CLSTN2: variants seen among roughly 807,000 people sequenced by gnomAD.
CLSTN2 encodes the protein calsyntenin 2, also known as calsyntenin-2.
CLSTN2 carries 48 observed loss-of-function variants against 101.2 expected under a neutral mutation model. The observed-to-expected ratio is 0.47, with a 90% CI of 0.38 to 0.60. CLSTN2 has a LOEUF of 0.60. Ranked by LOEUF, CLSTN2 falls within the 20% of genes least tolerant of loss-of-function variation. The pLI is 0.00. For synonymous variants in CLSTN2, 481 were observed against 463.6 expected, an observed-to-expected ratio of 1.04 and a Z score of -0.48; for missense variants, 1,160 against 1,238.2, an observed-to-expected ratio of 0.94 and a Z score of 0.95.
intron 1 of CLSTN2, among the ~76,000 whole-genome samples, chr3:139,941,650 TA>T (rs1168482781): frequency 6.6e-6 from 1 of 151,970 alleles, no homozygotes; most frequent in Admixed American, 6.6e-5. Context: ...ATGGAGAAAG[TA>T]AAAGGGATGT....
At chr3:139,949,644 T>G (rs984541299) in intron 1 of CLSTN2, among the ~76,000 whole-genome samples, 1 of 152,196 alleles carries the variant, frequency 6.6e-6, no homozygotes, top group Non-Finnish European at 1.5e-5. Context: ...GGATAATTAA[T>G]GTAAATTACC....
rs568016185 is a variant in CLSTN2 at position 140,047,766 on chromosome 3, G to C, written c.109+112283G>C. ...CTCTTCTTGTAAAGCCACCACTCCTGTTCCCACCATAACCCATTAGTTCGT... is the reference window on the plus strand; with the variant it reads ...CTCTTCTTGTAAAGCCACCACTCCTCTTCCCACCATAACCCATTAGTTCGT... On this transcript the variant is annotated intron_variant, in intron 1 of 16. Coordinates refer to ENST00000458420, the MANE Select transcript of CLSTN2 (RefSeq NM_022131.3). 3.3e-5 allele frequency among the ~76,000 whole-genome samples: 5 copies of C among 152,276 alleles called. No individual in the cohort carries two copies. In the East Asian group the frequency reaches 9.7e-4, roughly 29 times the overall value.
chr3:140,421,664 C>A (rs114211963), intron 5 of CLSTN2, among the ~76,000 whole-genome samples: 1,793 of 152,254 alleles, frequency 0.012, 33 homozygotes, highest in African/African-American at 0.039. Flanking sequence ...TGGGGAAAGT[C>A]GCCATGTTCT....
At chr3:140,022,720 A>G (rs1488759339) in intron 1 of CLSTN2, among the ~76,000 whole-genome samples, 1 of 152,176 alleles carries the variant, frequency 6.6e-6, no homozygotes, top group African/African-American at 2.4e-5. Flanking sequence ...GTTTTATGTA[A>G]TAGTGATAGA....
chr3:140,057,970 GA>G (rs2008130584), intron 1 of CLSTN2, among the ~76,000 whole-genome samples: 1 of 152,184 alleles, frequency 6.6e-6, no homozygotes, highest in Non-Finnish European at 1.5e-5. Flanking sequence ...TATGTCTGGT[GA>G]AATTTTCCAG....
chr3:140,063,894 C>T lies in CLSTN2; in HGVS notation c.110-112057C>T, dbSNP rs558808677. 2.1e-4 allele frequency among the ~76,000 whole-genome samples: 32 copies of T among 152,282 alleles called. No individual in the cohort carries two copies. In the East Asian group the frequency reaches 3.1e-3, roughly 15 times the overall value. ...ATGGAGTATCACACCCAGAACAGCA[C>T]GGCCATTTGACCCTCTCTGGACAAG... On this transcript the variant is annotated intron_variant, in intron 1 of 16. Transcript: ENST00000458420.
At chr3:140,412,575 C>A (rs2088376726) in intron 4 of CLSTN2, among the ~76,000 whole-genome samples, 1 of 152,174 alleles carries the variant, frequency 6.6e-6, no homozygotes, top group South Asian at 2.1e-4. Flanking sequence ...TGACTGAGTC[C>A]TGCTTCTGGT....
At chr3:140,202,607 G>A (rs767853672) in intron 2 of CLSTN2, among the ~76,000 whole-genome samples, 2 of 152,326 alleles carry the variant, frequency 1.3e-5, no homozygotes, top group Non-Finnish European at 2.9e-5. Context: ...AAAGCCTGGA[G>A]GTTGGGAGAA....
chr3:140,516,702 G>A (rs1934924657), intron 8 of CLSTN2, among the ~76,000 whole-genome samples: 1 of 152,132 alleles, frequency 6.6e-6, no homozygotes, highest in South Asian at 2.1e-4. Context: ...AGGGTTTCTG[G>A]TGAGAAATCT....
intron 1 of CLSTN2, among the ~76,000 whole-genome samples, chr3:140,133,494 AC>A (rs1159882587): frequency 2.0e-5 from 3 of 152,300 alleles, no homozygotes; most frequent in Admixed American, 1.3e-4. Context: ...CTCCAGAGAA[AC>A]CTGGAAGCAG....
chr3:140,488,739 A>T (rs1297439624), intron 8 of CLSTN2, among the ~76,000 whole-genome samples: 1 of 150,022 alleles, frequency 6.7e-6, no homozygotes, highest in Non-Finnish European at 1.5e-5. Flanking sequence ...TATGGCAAAC[A>T]GAACTGACAA....
At position 140,311,287 on chromosome 3, in the gene CLSTN2, C is replaced by CTTTTTTTT. The variant is rs750088450; in HGVS notation, c.233-92313_233-92306dup. The stretch of plus-strand genomic sequence containing the variant: ...ATAATAACAGCTAAGGTTTATTATC[C>CTTTTTTTT]TTTTTTTTTTTTTTTTTTTTTTTTT... On this transcript the variant is annotated intron_variant, in intron 2 of 16. Transcript: ENST00000458420. Among the ~76,000 whole-genome samples the CTTTTTTTT allele has an allele frequency of 1.9e-3, 101 of 52,082 alleles. 21 individuals carry two copies. The highest frequency in any genetic ancestry group is 2.2e-3 in the African/African-American group (23 of 10,624). 34.2% of individuals were successfully genotyped at this position (52,082 alleles called of 152,430 possible). A position where few individuals can be genotyped will look rare whatever the true frequency, so the allele number is the denominator to read the frequency against.
At chr3:140,006,104 C>G (rs570041822) in intron 1 of CLSTN2, among the ~76,000 whole-genome samples, 38 of 152,228 alleles carry the variant, frequency 2.5e-4, no homozygotes, top group South Asian at 1.0e-3. Flanking sequence ...AAAGAGCTTC[C>G]AGTTTAATCC....
chr3:140,490,089 T>C (rs1352994859), intron 8 of CLSTN2, among the ~76,000 whole-genome samples: 39 of 2,052 alleles, frequency 0.019, 2 homozygotes, highest in Non-Finnish European at 0.022. Flanking sequence ...TGTGTGTGTG[T>C]ATATATATAT....
At chr3:140,155,735 CACTT>C (rs1427053079) in intron 1 of CLSTN2, among the ~76,000 whole-genome samples, 1 of 152,194 alleles carries the variant, frequency 6.6e-6, no homozygotes, top group Non-Finnish European at 1.5e-5. Flanking sequence ...GTTCATCACA[CACTT>C]GCTTGCTGAG....
intron 2 of CLSTN2, among the ~76,000 whole-genome samples, chr3:140,214,258 G>A (rs2010894525): frequency 6.6e-6 from 1 of 152,030 alleles, no homozygotes; most frequent in Admixed American, 6.6e-5. Flanking sequence ...TGGCCAATAT[G>A]GTGAAACCCC....
intron 1 of CLSTN2, among the ~76,000 whole-genome samples, chr3:140,160,978 A>G (rs1196195181): frequency 8.5e-5 from 13 of 152,196 alleles, no homozygotes; most frequent in Admixed American, 6.5e-5. Flanking sequence ...CTCAGATAAT[A>G]ACAAGCAGTC....
At chr3:140,085,816 T>A (rs2008671800) in intron 1 of CLSTN2, among the ~76,000 whole-genome samples, 1 of 152,148 alleles carries the variant, frequency 6.6e-6, no homozygotes, top group African/African-American at 2.4e-5. Context: ...TCAGAGAATG[T>A]TTTGAACTGT....
intron 1 of CLSTN2, among the ~76,000 whole-genome samples, chr3:140,046,315 A>G (rs2007879758): frequency 6.6e-6 from 1 of 152,092 alleles, no homozygotes; most frequent in East Asian, 1.9e-4. Context: ...AGTCTGTTTT[A>G]TCAGAGACTA....
Sources: gnomAD v4.1 joint callset for allele counts (sites outside exome capture counted in the v4.1 genomes callset) on GRCh38, gnomAD v4.1.1 for gene constraint, MANE v1.5 for transcripts, NCBI Gene and HGNC (gene_info 2026-07-23, HGNC 2026-07-21) for gene names.